RYR2: variants seen among roughly 807,000 people sequenced by gnomAD.
The protein encoded by RYR2 is ryanodine receptor 2, also known as cardiac muscle ryanodine receptor-calcium release channel.
Under a neutral mutation model 601.1 loss-of-function variants are expected in RYR2, and 227 were observed. The ratio of observed to expected loss-of-function variants is 0.38; its 90% CI spans 0.34 to 0.42. The LOEUF is 0.42. Ranked by LOEUF, RYR2 falls within the 10% of genes least tolerant of loss-of-function variation. RYR2 has a pLI of 1.00. For missense variants in RYR2, 4,646 were observed against 6,156.5 expected (o/e 0.75, Z 8.21); for synonymous variants, 2,223 against 2,175.1 (o/e 1.02, Z -0.61).
chr1:237,365,224 G>C (rs1700089065), intron 5 of RYR2, among the ~76,000 whole-genome samples: 1 of 152,164 alleles, frequency 6.6e-6, no homozygotes. Flanking sequence ...GATTTTGAAA[G>C]AAAGAGACTG....
chr1:237,355,866 C>A, intron 3 of RYR2, 99 bp from the exon 4 acceptor site: 1 of 1,072,602 alleles, frequency 9.3e-7, no homozygotes, highest in Non-Finnish European at 1.4e-6. Flanking sequence ...GATTGTGGTG[C>A]AAGGACCAAA....
In RYR2 at chr1:237,671,967, C is replaced by T. The variant is rs143078115; in HGVS notation, c.8591-2129C>T. 3.7e-3 allele frequency among the ~76,000 whole-genome samples: 568 copies of T among 152,236 alleles called. 3 individuals carry two copies. Among genetic ancestry groups the T allele is most frequent in the Non-Finnish European group, 6.7e-3 (458 of 68,008 alleles). ...TTTAGTATGAATGGGTTCATGAGTC[C>T]GTGCTGGTATGTTTGGTAATATCCT... On this transcript the variant is annotated intron_variant, in intron 58 of 104. Transcript: ENST00000366574.
At chr1:237,508,652 T>C (rs1665518762) in intron 23 of RYR2, among the ~76,000 whole-genome samples, 2 of 151,824 alleles carry the variant, frequency 1.3e-5, no homozygotes, top group Non-Finnish European at 2.9e-5. Flanking sequence ...GTCTCACTAT[T>C]ATTGATTCTT....
chr1:237,595,714 A>G (rs1026687467), intron 34 of RYR2, 57 bp downstream of exon 34: 4 of 1,543,142 alleles, frequency 2.6e-6, no homozygotes, highest in African/African-American at 2.8e-5. Flanking sequence ...TTCCCCCATT[A>G]AAGGAAAACA....
intron 13 of RYR2, among the ~76,000 whole-genome samples, chr1:237,443,334 G>A (rs771690155): frequency 3.3e-5 from 5 of 151,840 alleles, no homozygotes; most frequent in African/African-American, 4.8e-5. Flanking sequence ...TATCGAAGTC[G>A]TAACTTGCAT....
intron 25 of RYR2, among the ~76,000 whole-genome samples, chr1:237,531,029 A>G (rs1668090779): frequency 6.6e-6 from 1 of 152,210 alleles, no homozygotes; most frequent in African/African-American, 2.4e-5. Context: ...CAAAGCTCAG[A>G]ATATATTTGG....
chr1:237,589,258 T>C (rs2779427), intron 29 of RYR2, among the ~76,000 whole-genome samples: 138,256 of 152,218 alleles, frequency 0.91, 64,215 homozygotes, highest in East Asian at 1. Flanking sequence ...AAGCAACTAT[T>C]AGTAGATGGA....
intron 1 of RYR2, among the ~76,000 whole-genome samples, chr1:237,245,379 C>G (rs899293783): frequency 8.6e-5 from 13 of 152,032 alleles, no homozygotes; most frequent in Non-Finnish European, 1.8e-4. Flanking sequence ...ATGTAGGCTT[C>G]TAAAGGGAAA....
rs574199291 is a variant in RYR2 at position 237,297,280 on chromosome 1, G to A, written c.168+26664G>A. On this transcript the variant is annotated intron_variant, in intron 2 of 104. Coordinates refer to ENST00000366574, the MANE Select transcript of RYR2 (RefSeq NM_001035.3). ...AAAGAACAAGACCAAGCCTTGAGCT[G>A]ATCCATGAATTTATATATTTATAAG... Among the ~76,000 whole-genome samples the A allele has an allele frequency of 3.9e-4, 60 of 152,266 alleles. 1 individual carries two copies. The highest frequency in any genetic ancestry group is 1.4e-3 in the African/African-American group (59 of 41,574).
At chr1:237,137,954 C>T (rs564494779) in intron 1 of RYR2, among the ~76,000 whole-genome samples, 1 of 152,062 alleles carries the variant, frequency 6.6e-6, no homozygotes, top group Non-Finnish European at 1.5e-5. Flanking sequence ...AGCCACTATC[C>T]CAACTTTTGT....
intron 35 of RYR2, among the ~76,000 whole-genome samples, chr1:237,607,230 A>G (rs1460032400): frequency 6.6e-6 from 1 of 152,226 alleles, no homozygotes. Context: ...TACACCACGG[A>G]ATACTATCCA....
chr1:237,807,459 C>G (rs549413455), intron 99 of RYR2, among the ~76,000 whole-genome samples: 84 of 152,326 alleles, frequency 5.5e-4, no homozygotes, highest in East Asian at 1.2e-3. Context: ...TCAAGTGATT[C>G]TCCTGCCTCA....
chr1:237,792,719 A>G (rs755191994), intron 94 of RYR2, among the ~76,000 whole-genome samples: 17 of 152,162 alleles, frequency 1.1e-4, no homozygotes, highest in African/African-American at 4.1e-4. Context: ...GCTTTCTTTC[A>G]TATACTGATA....
In RYR2 at chr1:237,731,447, T is replaced by C. The variant is rs73101970; in HGVS notation, c.10936-599T>C. Among the ~76,000 whole-genome samples the C allele has an allele frequency of 1.3e-3, 198 of 152,288 alleles. 1 individual carries two copies. Among genetic ancestry groups the C allele is most frequent in the African/African-American group, 4.6e-3 (191 of 41,570 alleles). On this transcript the variant is annotated intron_variant, in intron 77 of 104. Coordinates refer to ENST00000366574, the MANE Select transcript of RYR2 (RefSeq NM_001035.3). ...AAGCATTAACTCATTTAGTATTATTTACGTATCATGCTGTGTGTAAGCGAA... is the reference window on the plus strand; with the variant it reads ...AAGCATTAACTCATTTAGTATTATTCACGTATCATGCTGTGTGTAAGCGAA...
intron 1 of RYR2, among the ~76,000 whole-genome samples, chr1:237,164,421 T>G (rs1367423964): frequency 2.0e-5 from 3 of 152,172 alleles, no homozygotes; most frequent in Non-Finnish European, 4.4e-5. Context: ...GCCATGTCAT[T>G]GTTGGGTGCA....
chr1:237,792,205 T>C lies in RYR2; in HGVS notation c.13664T>C (p.Ile4555Thr). The C allele has an allele frequency of 6.2e-7, 1 of 1,613,750 alleles. No individual in the cohort carries two copies. Residue 4555 changes from isoleucine to threonine, a missense_variant, in exon 94 of 105, where the codon ATC becomes ACC. Around this residue, in one of 17 missense-constraint regions of RYR2, gnomAD observed 364 missense variants for 442.9 expected, o/e 0.82. Transcript: ENST00000366574. ...TSLDSSSHRI[I>T]AVHYVLEESS... ...CTGGACAGCAGCTCCCATAGAATCA[T>C]CGCAGTTCACTATGTACTAGAGGAG...
At chr1:237,571,580 G>C (rs146094297) in intron 29 of RYR2, among the ~76,000 whole-genome samples, 3 of 152,064 alleles carry the variant, frequency 2.0e-5, no homozygotes, top group Admixed American at 6.6e-5. Flanking sequence ...CTCCCAAAGT[G>C]CTGGGAATAT....
chr1:237,092,721 G>A (rs980215037), intron 1 of RYR2, among the ~76,000 whole-genome samples: 1 of 152,062 alleles, frequency 6.6e-6, no homozygotes, highest in Non-Finnish European at 1.5e-5. Context: ...GTTGAGATGG[G>A]AGTTTCACTA....
chr1:237,696,025 C>T (rs1687395418), intron 63 of RYR2, among the ~76,000 whole-genome samples: 1 of 152,158 alleles, frequency 6.6e-6, no homozygotes, highest in South Asian at 2.1e-4. Context: ...CAGAGACAGT[C>T]CACAAATATT....
Sources: allele counts gnomAD v4.1 joint callset (sites outside exome capture counted in the v4.1 genomes callset), GRCh38; gene constraint gnomAD v4.1.1; regional missense constraint gnomAD v4.1.1; transcripts MANE v1.5; gene names NCBI Gene and HGNC (gene_info 2026-07-23, HGNC 2026-07-21).